Variants in EVI5 observed in about 807,000 individuals in gnomAD.
EVI5 encodes ecotropic viral integration site 5 protein homolog.
A neutral mutation model predicts 112.0 loss-of-function variants in EVI5; 73 were observed. That is an observed-to-expected ratio of 0.65 (90% CI 0.54 to 0.79). The LOEUF is 0.79. Ranked by LOEUF, EVI5 falls within the 30% of genes least tolerant of loss-of-function variation. EVI5 has a pLI of 0.00. For synonymous variants in EVI5, 305 were observed against 319.9 expected (o/e 0.95, Z 0.50); for missense variants, 900 against 968.8 (o/e 0.93, Z 0.94).
At chr1:92,786,129 A>G (rs923514996), upstream of EVI5, among the ~76,000 whole-genome samples, 1 of 151,892 alleles carries the variant, frequency 6.6e-6, no homozygotes, top group African/African-American at 2.4e-5. Context: ...AATTAGCAGC[A>G]CAAGAAACTC....
At chr1:92,568,594 G>T (rs1034181531) in intron 18 of EVI5, among the ~76,000 whole-genome samples, 2 of 152,080 alleles carry the variant, frequency 1.3e-5, no homozygotes, top group African/African-American at 4.8e-5. Context: ...ATCCTTGGAA[G>T]AACTGAGAAA....
At position 92,693,834 on chromosome 1, in the gene EVI5, G is replaced by A. The variant is rs1558087039; in HGVS notation, c.1065C>T (p.Tyr355=). The A allele has an allele frequency of 6.2e-7, 1 of 1,604,266 alleles. No individual in the cohort carries two copies. Among genetic ancestry groups the A allele is most frequent in the Non-Finnish European group, 8.5e-7 (1 of 1,172,062 alleles). Residue 355 remains tyrosine (Y), a synonymous_variant, in exon 9 of 20, where the codon TAC becomes TAT. Coordinates refer to ENST00000684568, the MANE Select transcript of EVI5 (RefSeq NM_001350197.2). ...GVPDKLIQAA[Y]QVKYNSKKMK... Reference sequence around the variant, plus strand: ...TTTTTTTTGAATTGTATTTGACTTGGTAAGCTGCTTGGATTAGCTTGTCTG... The same window carrying A: ...TTTTTTTTGAATTGTATTTGACTTGATAAGCTGCTTGGATTAGCTTGTCTG...
chr1:92,565,919 G>A (rs571085980), intron 18 of EVI5, among the ~76,000 whole-genome samples: 2 of 116,644 alleles, frequency 1.7e-5, no homozygotes, highest in South Asian at 6.3e-4. Context: ...GCAGTGAGCT[G>A]AGATTGCGCC....
chr1:92,744,939 G>A (rs766724281), intron 1 of EVI5, among the ~76,000 whole-genome samples: 1 of 151,762 alleles, frequency 6.6e-6, no homozygotes, highest in Non-Finnish European at 1.5e-5. Flanking sequence ...GTCAGGAATC[G>A]TTTTTCTCTT....
intron 4 of EVI5, 41 bp downstream of exon 4, chr1:92,703,354 G>A (rs1368264156): frequency 8.5e-7 from 1 of 1,177,344 alleles, no homozygotes; most frequent in Non-Finnish European, 1.2e-6. Flanking sequence ...CAACCTTCCA[G>A]GAATTCATTT....
chr1:92,550,787 T>A lies in EVI5; in HGVS notation c.2166+12855A>T, dbSNP rs1383154689. On this transcript the variant is annotated intron_variant, in intron 19 of 19. Transcript: ENST00000684568. The stretch of plus-strand genomic sequence containing the variant: ...AAAAAAAAAAAAAAAAAAAAATATA[T>A]ATATATATATATATATATATATATA... 1.2e-3 allele frequency among the ~76,000 whole-genome samples: 77 copies of A among 66,278 alleles called. 2 individuals are homozygous for A. The highest frequency in any genetic ancestry group is 2.6e-3 in the African/African-American group (37 of 14,208). 43.5% of individuals were successfully genotyped at this position (66,278 alleles called of 152,430 possible). A position where few individuals can be genotyped will look rare whatever the true frequency, so the allele number is the denominator to read the frequency against.
chr1:92,777,966 T>C lies in EVI5; in HGVS notation c.-82+6870A>G, dbSNP rs113882891. Among the ~76,000 whole-genome samples the C allele has an allele frequency of 5.8e-3, 878 of 150,342 alleles. 8 individuals are homozygous for C. The highest frequency in any genetic ancestry group is 0.019 in the African/African-American group (779 of 40,890). ...CTCTGTCGCCAGGCTGGAGGTGCAG[T>C]GGCGCAATCTCAGCTCACTGCTACC... On this transcript the variant is annotated intron_variant, in intron 1 of 19. Transcript: ENST00000684568.
At chr1:92,550,672 G>A (rs1276855851) in intron 19 of EVI5, among the ~76,000 whole-genome samples, 5 of 133,390 alleles carry the variant, frequency 3.7e-5, no homozygotes, top group Middle Eastern at 3.9e-3. Context: ...GTGTGAACCT[G>A]GGAGGCAGAG....
intron 18 of EVI5, among the ~76,000 whole-genome samples, chr1:92,578,765 T>C (rs1557828309): frequency 6.6e-6 from 1 of 151,670 alleles, no homozygotes; most frequent in Admixed American, 6.6e-5. Context: ...TTAAGTAACT[T>C]ATCAAGGACC....
At chr1:92,555,292 A>G (rs1251880008) in intron 19 of EVI5, among the ~76,000 whole-genome samples, 1 of 152,208 alleles carries the variant, frequency 6.6e-6, no homozygotes, top group Non-Finnish European at 1.5e-5. Flanking sequence ...TATTATAAAA[A>G]TATTCAGGAT....
intron 18 of EVI5, 134 bp downstream of exon 18, chr1:92,605,173 T>C (rs1302753987): frequency 1.3e-5 from 8 of 635,748 alleles, no homozygotes; most frequent in Non-Finnish European, 2.2e-5. Context: ...TTTACCACAA[T>C]AAAAAAAAAT....
chr1:92,635,565 G>C (rs1342468261), intron 14 of EVI5, among the ~76,000 whole-genome samples: 1 of 152,140 alleles, frequency 6.6e-6, no homozygotes, highest in African/African-American at 2.4e-5. Flanking sequence ...CGATTTTCCA[G>C]GTGCCGTCCA....
rs115327643 is a variant in EVI5, at chr1:92,529,723, A to C, written c.2167-15753T>G. Reference sequence around the variant, plus strand: ...AATCCCTAATCCAATAACAAAATAAAAACAAACAAGAAACCTGCTTCTTTC... The same window carrying C: ...AATCCCTAATCCAATAACAAAATAACAACAAACAAGAAACCTGCTTCTTTC... On this transcript the variant is annotated intron_variant, in intron 19 of 19. Coordinates refer to ENST00000684568, the MANE Select transcript of EVI5 (RefSeq NM_001350197.2). Among the ~76,000 whole-genome samples, 710 of 152,330 alleles carry C rather than the reference A, an allele frequency of 4.7e-3. 6 individuals carry two copies. Among genetic ancestry groups the C allele is most frequent in the African/African-American group, 0.017 (691 of 41,588 alleles).
chr1:92,539,041 TTATAA>T (rs1193074072), intron 19 of EVI5, among the ~76,000 whole-genome samples: 1 of 152,166 alleles, frequency 6.6e-6, no homozygotes, highest in Non-Finnish European at 1.5e-5. Context: ...ATCTAATCCT[TTATAA>T]TATCACACTG....
At position 92,669,546 on chromosome 1, in the gene EVI5, T is replaced by TAAAAAAAAAAAAAAAAAAAAA. The variant is rs1558034630; in HGVS notation, c.1159-3555_1159-3554insTTTTTTTTTTTTTTTTTTTTT. ...CTGGGCAACGGAGCAAGGCTCTGTC[T>TAAAAAAAAAAAAAAAAAAAAA]CAAAAAAAAAAAAAATCACTGGGAA... On this transcript the variant is annotated intron_variant, in intron 10 of 19. Coordinates refer to ENST00000684568, the MANE Select transcript of EVI5 (RefSeq NM_001350197.2). 3.1e-4 allele frequency among the ~76,000 whole-genome samples: 2 copies of TAAAAAAAAAAAAAAAAAAAAA among 6,552 alleles called. 1 individual carries two copies. The highest frequency in any genetic ancestry group is 3.8e-3 in the African/African-American group (2 of 532). 4.3% of individuals were successfully genotyped at this position (6,552 alleles called of 152,430 possible).
chr1:92,626,430 T>C (rs1655679176), intron 14 of EVI5, among the ~76,000 whole-genome samples: 1 of 152,224 alleles, frequency 6.6e-6, no homozygotes, highest in African/African-American at 2.4e-5. Context: ...ATTCATCAGT[T>C]AATAGAAATT....
intron 17 of EVI5, 165 bp downstream of exon 17, chr1:92,607,416 A>G (rs1650663116): frequency 2.1e-5 from 10 of 478,896 alleles, no homozygotes; most frequent in Non-Finnish European, 3.2e-5. Context: ...AAGCAAGATG[A>G]GCTGACCTGG....
At chr1:92,621,184 A>G (rs1415113256) in intron 16 of EVI5, among the ~76,000 whole-genome samples, 1 of 152,204 alleles carries the variant, frequency 6.6e-6, no homozygotes, top group African/African-American at 2.4e-5. Context: ...AAAAAGAAAC[A>G]AAGAAACAAA....
At chr1:92,725,060 G>A (rs1289007839) in intron 2 of EVI5, among the ~76,000 whole-genome samples, 1 of 152,150 alleles carries the variant, frequency 6.6e-6, no homozygotes, top group Non-Finnish European at 1.5e-5. Flanking sequence ...CAATGGCAGT[G>A]AGACCAAGGT....
Sources: allele counts gnomAD v4.1 joint callset (sites outside exome capture counted in the v4.1 genomes callset), GRCh38; gene constraint gnomAD v4.1.1; transcripts MANE v1.5; gene names NCBI Gene and HGNC (gene_info 2026-07-23, HGNC 2026-07-21).